Variants in IRAK1BP1 observed in about 807,000 individuals in gnomAD.
IRAK1BP1 encodes the protein interleukin-1 receptor-associated kinase 1-binding protein 1.
IRAK1BP1 carries 24 observed loss-of-function variants against 28.0 expected under a neutral mutation model. The observed-to-expected ratio is 0.86, with a 90% CI of 0.62 to 1.20. The LOEUF is 1.20. Among genes scored for constraint, IRAK1BP1 ranks in the 50% most tolerant of loss-of-function variants. The pLI is 0.00. For missense variants in IRAK1BP1, 336 were observed against 316.7 expected (o/e 1.06, Z -0.46); for synonymous variants, 131 against 116.3 (o/e 1.13, Z -0.81).
chr6:78,932,283 T>A (rs1382800683), intron 4 of IRAK1BP1, among the ~76,000 whole-genome samples: 1 of 152,128 alleles, frequency 6.6e-6, no homozygotes, highest in Non-Finnish European at 1.5e-5. Context: ...TATTTTGATC[T>A]CCAATGAATC....
chr6:78,903,252 G>A (rs540051691), downstream of IRAK1BP1: 638 of 487,344 alleles, frequency 1.3e-3, 5 homozygotes, highest in African/African-American at 0.011. Flanking sequence ...GGAGGCCGAG[G>A]CAGGTGGATC....
At chr6:78,919,400 C>G (rs543580785) in intron 4 of IRAK1BP1, among the ~76,000 whole-genome samples, 2 of 152,058 alleles carry the variant, frequency 1.3e-5, no homozygotes, top group East Asian at 1.9e-4. Context: ...CAATGAGACC[C>G]AAAGCTGGCT....
chr6:78,962,191 T>G, the IRAK1BP1 span, among the ~76,000 whole-genome samples: 5 of 152,256 alleles, frequency 3.3e-5, no homozygotes, highest in African/African-American at 1.2e-4. Flanking sequence ...AACCTTTGAC[T>G]TTCTCAAACG....
chr6:78,976,911 CTT>C, the IRAK1BP1 span, among the ~76,000 whole-genome samples: 4 of 43,796 alleles, frequency 9.1e-5, no homozygotes, highest in Admixed American at 2.4e-4. Flanking sequence ...AATAGGAACA[CTT>C]TTACACTGTT....
At chr6:78,874,532 A>G (rs1007045180) in intron 1 of IRAK1BP1, among the ~76,000 whole-genome samples, 2 of 152,180 alleles carry the variant, frequency 1.3e-5, no homozygotes, top group Admixed American at 1.3e-4. Context: ...TTAAATTATT[A>G]TCTTCATAAA....
Position 78,899,674 on chromosome 6 carries a change from T to C in IRAK1BP1, c.*1340T>C, listed in dbSNP as rs577761632. 1.4e-3 allele frequency: 213 copies of C among 152,296 alleles called. 1 individual carries two copies. Among genetic ancestry groups the C allele is most frequent in the African/African-American group, 4.2e-3 (175 of 41,560 alleles). 9.4% of individuals were successfully genotyped at this position (152,296 alleles called of 1,614,324 possible). A position where few individuals can be genotyped will look rare whatever the true frequency, so the allele number is the denominator to read the frequency against. On this transcript the variant is annotated 3_prime_UTR_variant, in exon 4 of 4. Transcript: ENST00000369940. The stretch of plus-strand genomic sequence containing the variant: ...CTCACTGCAACCTCTGCCTCCTGAA[T>C]TTAAGCGATTCTCCTGCCTCAGCCT...
chr6:78,919,476 T>C (rs1772659859), intron 4 of IRAK1BP1, among the ~76,000 whole-genome samples: 1 of 150,798 alleles, frequency 6.6e-6, no homozygotes, highest in African/African-American at 2.4e-5. Flanking sequence ...AGAGAGAAAA[T>C]CCAAACAAGC....
the IRAK1BP1 span, among the ~76,000 whole-genome samples, chr6:78,959,610 T>C: frequency 6.6e-5 from 10 of 152,162 alleles, no homozygotes; most frequent in Non-Finnish European, 1.2e-4. Flanking sequence ...ATGTAATACA[T>C]TGAAGTCATC....
chr6:78,946,903 C>T (rs780845084), downstream of IRAK1BP1: 9 of 1,482,462 alleles, frequency 6.1e-6, no homozygotes, highest in Admixed American at 2.5e-5. Flanking sequence ...AGTGTTCAAC[C>T]ATTCCTTGGA....
chr6:78,945,559 G>A (rs1157765288), exon 5 of IRAK1BP1: 12 of 1,033,958 alleles, frequency 1.2e-5, no homozygotes, highest in Non-Finnish European at 1.5e-6. Flanking sequence ...AAGAAAAAAG[G>A]TTAACCTGAA....
intron 2 of IRAK1BP1, among the ~76,000 whole-genome samples, chr6:78,887,350 A>T (rs1771464098): frequency 6.6e-6 from 1 of 152,136 alleles, no homozygotes; most frequent in African/African-American, 2.4e-5. Flanking sequence ...CCTCACACCT[A>T]TTAGAATGGC....
chr6:78,875,645 C>T (rs1162583199), intron 1 of IRAK1BP1, among the ~76,000 whole-genome samples: 1 of 152,152 alleles, frequency 6.6e-6, no homozygotes, highest in Non-Finnish European at 1.5e-5. Flanking sequence ...CACATATTCT[C>T]ACTTATAAGT....
chr6:78,895,112 CAA>C (rs529424880), intron 2 of IRAK1BP1, among the ~76,000 whole-genome samples: 24 of 109,574 alleles, frequency 2.2e-4, no homozygotes, highest in Non-Finnish European at 1.7e-4. Flanking sequence ...GACTCCATCT[CAA>C]AAAAAAAAAA....
intron 1 of IRAK1BP1, among the ~76,000 whole-genome samples, chr6:78,879,571 A>G (rs1771146234): frequency 6.6e-6 from 1 of 152,184 alleles, no homozygotes; most frequent in South Asian, 2.1e-4. Flanking sequence ...TTTGTTCAAA[A>G]TTGGTCAATA....
At chr6:78,955,642 T>C in the IRAK1BP1 span, 4 of 1,097,252 alleles carry the variant, frequency 3.6e-6, no homozygotes, top group South Asian at 2.8e-5. Context: ...TTCTTCTTCA[T>C]TGAATTATAA....
chr6:78,889,438 A>C (rs1771551340), intron 2 of IRAK1BP1, among the ~76,000 whole-genome samples: 1 of 152,114 alleles, frequency 6.6e-6, no homozygotes. Context: ...ATCTAAGTAA[A>C]CTAAAGAGCT....
At chr6:78,932,672 G>A (rs563460555) in intron 4 of IRAK1BP1, among the ~76,000 whole-genome samples, 125 of 152,132 alleles carry the variant, frequency 8.2e-4, no homozygotes, top group Non-Finnish European at 5.9e-5. Flanking sequence ...ACCCACCTTG[G>A]ACTCCTAAAG....
In IRAK1BP1 at chr6:78,893,306, GTGTGTGTGTATATATATATA is replaced by G. The variant is rs1771736681; in HGVS notation, c.382-4521_382-4502del. ...TGTGTGTATATATGTGTGTGTGTGT[GTGTGTGTGTATATATATATA>G]TATATATATATATATATATATATCA... is the stretch of plus-strand genomic sequence containing the variant. On this transcript the variant is annotated intron_variant, in intron 2 of 3. Transcript: ENST00000369940. 3.1e-5 allele frequency among the ~76,000 whole-genome samples: 3 copies of G among 97,874 alleles called. No individual in the cohort carries two copies. In the Admixed American group the frequency reaches 4.5e-4, roughly 15 times the overall value. The allele number at this position is 97,874 out of a possible 152,430, so 64.2% of individuals were successfully genotyped here. A position where few individuals can be genotyped will look rare whatever the true frequency, so the allele number is the denominator to read the frequency against.
Position 78,940,987 on chromosome 6 carries a change from T to A in IRAK1BP1, c.*68-4421T>A, listed in dbSNP as rs549020329. On this transcript the variant is annotated intron_variant and NMD_transcript_variant, in intron 4 of 4. Coordinates refer to the IRAK1BP1 transcript ENST00000606868. ...CAGGGACTAGGAGATCTGCATCTAA[T>A]TTTTGTGTCTTCATCTTCCTTTTGG... 2.5e-6 allele frequency: 4 copies of A among 1,613,904 alleles called. No individual in the cohort carries two copies. The Admixed American group carries it at 6.7e-5, about 27-fold the overall frequency.
Sources: gnomAD v4.1 joint callset for allele counts (sites outside exome capture counted in the v4.1 genomes callset) on GRCh38, gnomAD v4.1.1 for gene constraint, MANE v1.5 for transcripts, NCBI Gene and HGNC (gene_info 2026-07-23, HGNC 2026-07-21) for gene names.